CCSER1: variants seen among roughly 807,000 people sequenced by gnomAD.
CCSER1 encodes serine-rich coiled-coil domain-containing protein 1.
Under a neutral mutation model 82.0 loss-of-function variants are expected in CCSER1, and 41 were observed. The ratio of observed to expected loss-of-function variants is 0.50; its 90% CI spans 0.39 to 0.65. CCSER1 has a LOEUF of 0.65. Among genes scored for constraint, CCSER1 ranks in the 30% least tolerant of loss-of-function variants. The pLI is 0.00. For synonymous variants in CCSER1, 414 were observed against 383.9 expected (o/e 1.08, Z -0.92); for missense variants, 1,119 against 1,064.2 (o/e 1.05, Z -0.72).
chr4:90,995,743 T>A (rs979914682), intron 9 of CCSER1, among the ~76,000 whole-genome samples: 2 of 152,060 alleles, frequency 1.3e-5, no homozygotes, highest in African/African-American at 4.8e-5. Context: ...CATTTAAAGA[T>A]CCAAATTAAA....
intron 9 of CCSER1, among the ~76,000 whole-genome samples, chr4:91,060,279 G>T (rs1215365029): frequency 1.3e-5 from 2 of 151,898 alleles, no homozygotes; most frequent in African/African-American, 4.8e-5. Context: ...AAGTAAATAA[G>T]AAATAAAACA....
intron 8 of CCSER1, among the ~76,000 whole-genome samples, chr4:90,858,365 G>A (rs1397300304): frequency 6.6e-6 from 1 of 151,926 alleles, no homozygotes; most frequent in East Asian, 1.9e-4. Flanking sequence ...AGCGTACCAG[G>A]TTTTCTCAGT....
intron 10 of CCSER1, among the ~76,000 whole-genome samples, chr4:91,433,038 T>C (rs1467524961): frequency 6.6e-6 from 1 of 152,104 alleles, no homozygotes; most frequent in East Asian, 1.9e-4. Flanking sequence ...TGAGAAATAC[T>C]AGGTTGAATA....
intron 10 of CCSER1, among the ~76,000 whole-genome samples, chr4:91,255,727 C>A (rs1210975421): frequency 1.3e-5 from 2 of 152,202 alleles, no homozygotes; most frequent in African/African-American, 4.8e-5. Context: ...GTCTTTACTG[C>A]AATCTCTGAA....
chr4:91,562,373 A>C (rs1017920599), intron 10 of CCSER1, among the ~76,000 whole-genome samples: 2 of 151,526 alleles, frequency 1.3e-5, no homozygotes, highest in African/African-American at 4.8e-5. Flanking sequence ...ATCTTTATAT[A>C]ACTTTTTCTA....
chr4:91,044,498 C>A (rs1387090172), intron 9 of CCSER1, among the ~76,000 whole-genome samples: 6 of 152,142 alleles, frequency 3.9e-5, no homozygotes, highest in Admixed American at 3.9e-4. Context: ...CCTACATGAT[C>A]CTGCAGTTTC....
At chr4:91,219,984 G>C (rs182423536) in intron 10 of CCSER1, among the ~76,000 whole-genome samples, 1 of 152,010 alleles carries the variant, frequency 6.6e-6, no homozygotes, top group African/African-American at 2.4e-5. Context: ...TACTCAAAAC[G>C]TCATATATAA....
chr4:91,474,047 CAG>C (rs1422031912), intron 10 of CCSER1, among the ~76,000 whole-genome samples: 7 of 152,138 alleles, frequency 4.6e-5, no homozygotes, highest in South Asian at 4.1e-4. Flanking sequence ...TCTAGATTTT[CAG>C]AGTCATGAGT....
chr4:90,307,470 A>G (rs1734504857), intron 1 of CCSER1, among the ~76,000 whole-genome samples: 1 of 125,242 alleles, frequency 8.0e-6, no homozygotes, highest in Admixed American at 1.0e-4. Flanking sequence ...TGGCCTGCTT[A>G]TCTCTCAGCT....
At chr4:90,810,837 T>TA (rs1758177397) in intron 7 of CCSER1, among the ~76,000 whole-genome samples, 1 of 140,130 alleles carries the variant, frequency 7.1e-6, no homozygotes, top group Admixed American at 7.0e-5. Context: ...TAATTCTTTT[T>TA]TTTTTTTTTT....
At chr4:90,332,119 C>T (rs184391711) in intron 3 of CCSER1, among the ~76,000 whole-genome samples, 10 of 152,180 alleles carry the variant, frequency 6.6e-5, no homozygotes, top group African/African-American at 1.9e-4. Context: ...CTACTGTTCC[C>T]GCATGTGAAT....
At chr4:90,775,769 A>G (rs1041691906) in intron 7 of CCSER1, among the ~76,000 whole-genome samples, 5 of 152,176 alleles carry the variant, frequency 3.3e-5, no homozygotes, top group Middle Eastern at 3.2e-3. Context: ...TTGTGGAGTA[A>G]GAGATTGGAT....
chr4:90,509,806 ACATT>A (rs1771222699), intron 5 of CCSER1, among the ~76,000 whole-genome samples: 2 of 152,156 alleles, frequency 1.3e-5, no homozygotes. Flanking sequence ...GTGGGCTAGC[ACATT>A]GATTAGCATA....
At chr4:91,259,569 C>T (rs1279964413) in intron 10 of CCSER1, among the ~76,000 whole-genome samples, 1 of 152,010 alleles carries the variant, frequency 6.6e-6, no homozygotes, top group Non-Finnish European at 1.5e-5. Flanking sequence ...TTAGGTATTT[C>T]TCCTAATGCT....
At chr4:90,591,401 A>G (rs1446400834) in intron 5 of CCSER1, among the ~76,000 whole-genome samples, 1 of 152,188 alleles carries the variant, frequency 6.6e-6, no homozygotes, top group African/African-American at 2.4e-5. Context: ...TCTCAAAAGA[A>G]GACATTGATG....
In CCSER1 at chr4:91,566,255, G is replaced by A. The variant is rs368878092; in HGVS notation, c.2218-32317G>A. 3.7e-4 allele frequency among the ~76,000 whole-genome samples: 56 copies of A among 152,222 alleles called. 1 individual carries two copies. The highest frequency in any genetic ancestry group is 6.8e-3 in the Middle Eastern group (2 of 294). ...GGGATGAAGCCAACTTGTGCATGGT[G>A]GATTGGCTTTTTGATGTGCTGCTGG... On this transcript the variant is annotated intron_variant, in intron 10 of 10. Coordinates refer to ENST00000509176, the MANE Select transcript of CCSER1 (RefSeq NM_001145065.2).
intron 5 of CCSER1, among the ~76,000 whole-genome samples, chr4:90,586,507 T>C (rs1782037244): frequency 6.6e-6 from 1 of 152,182 alleles, no homozygotes; most frequent in African/African-American, 2.4e-5. Context: ...ATGCCAAAAC[T>C]GGTTCAAAGG....
intron 10 of CCSER1, among the ~76,000 whole-genome samples, chr4:91,147,237 T>C (rs1216746358): frequency 6.6e-6 from 1 of 152,160 alleles, no homozygotes; most frequent in Non-Finnish European, 1.5e-5. Flanking sequence ...GGTGTGGCAC[T>C]AACAGCCTGG....
At chr4:91,397,341 A>G (rs1362229197) in intron 10 of CCSER1, among the ~76,000 whole-genome samples, 1 of 152,058 alleles carries the variant, frequency 6.6e-6, no homozygotes, top group East Asian at 1.9e-4. Flanking sequence ...ATTCCATAAT[A>G]AATGGATTAC....
Sources: allele counts gnomAD v4.1 joint callset (sites outside exome capture counted in the v4.1 genomes callset), GRCh38; gene constraint gnomAD v4.1.1; transcripts MANE v1.5; gene names NCBI Gene and HGNC (gene_info 2026-07-23, HGNC 2026-07-21).